The following PPP2R3B variants were observed in gnomAD, a reference collection of about 807,000 sequenced individuals.
The protein encoded by PPP2R3B is protein phosphatase 2 regulatory subunit B''beta.
Under a neutral mutation model 72.9 loss-of-function variants are expected in PPP2R3B, and 68 were observed. That is an observed-to-expected ratio of 0.93 (90% CI 0.77 to 1.14). PPP2R3B has a LOEUF of 1.14. PPP2R3B is among the 50% of genes most tolerant of loss of function. The pLI is 0.00. For missense variants in PPP2R3B, 1,018 were observed against 842.0 expected, an observed-to-expected ratio of 1.21 and a Z score of -2.59; for synonymous variants, 466 against 375.8, an observed-to-expected ratio of 1.24 and a Z score of -2.78.
intron 12 of PPP2R3B, chrX:338,039 C>T (rs1386032621): frequency 1.2e-5 from 2 of 160,148 alleles, no homozygotes; most frequent in East Asian, 1.8e-4. Flanking sequence ...AGTGTCTCCT[C>T]CTCCAAATTC....
intron 1 of PPP2R3B, among the ~76,000 whole-genome samples, chrX:384,188 CAAG>C (rs1343272301): frequency 2.0e-5 from 3 of 151,750 alleles, no homozygotes; most frequent in Non-Finnish European, 4.4e-5. Flanking sequence ...TTTTGAGATT[CAAG>C]AAGTAAATAA....
intron 1 of PPP2R3B, among the ~76,000 whole-genome samples, chrX:381,741 G>A (rs982086729): frequency 5.3e-5 from 8 of 151,714 alleles, no homozygotes; most frequent in African/African-American, 1.9e-4. Flanking sequence ...TGGGACTACA[G>A]GCACCCGCCA....
At position 353,883 on chromosome X, in the gene PPP2R3B, C is replaced by G. The variant is rs1385385497; in HGVS notation, c.511-6190G>C. Among the ~76,000 whole-genome samples, 6 of 120,320 alleles carry G rather than the reference C, an allele frequency of 5.0e-5. 1 individual carries two copies. In the East Asian group the frequency reaches 1.4e-3, roughly 28 times the overall value. 78.9% of individuals were successfully genotyped at this position (120,320 alleles called of 152,430 possible). A position where few individuals can be genotyped will look rare whatever the true frequency, so the allele number is the denominator to read the frequency against. ...GGGCTCACCCAAAGACCAGGGCTCA[C>G]CCAAAGACCGGGGGCTCACCCAAAG... On this transcript the variant is annotated intron_variant, in intron 2 of 12. Coordinates refer to ENST00000390665, the MANE Select transcript of PPP2R3B (RefSeq NM_013239.5).
rs143066029 is a variant in PPP2R3B at position 361,611 on chromosome X, G to A, written c.325-21C>T. The A allele has an allele frequency of 6.9e-3, 11,203 of 1,612,668 alleles. 512 individuals are homozygous for A. The highest frequency in any genetic ancestry group is 0.022 in the East Asian group (994 of 44,860). On this transcript the variant is annotated intron_variant, in intron 1 of 12. Transcript: ENST00000390665. ...TGAACCTGAAGAGTCGACAGACAGCGCTCAGTTAGAACCTGGGAGCATCGA... is the reference window on the plus strand; with the variant it reads ...TGAACCTGAAGAGTCGACAGACAGCACTCAGTTAGAACCTGGGAGCATCGA...
intron 10 of PPP2R3B, among the ~76,000 whole-genome samples, chrX:340,481 C>T (rs1485509171): frequency 6.9e-5 from 9 of 129,902 alleles, no homozygotes; most frequent in South Asian, 2.5e-4. Flanking sequence ...CACCCTGGGC[C>T]GTCCCCCCTC....
chrX:341,424 G>A (rs55901287), intron 8 of PPP2R3B, 28 bp from the exon 9 acceptor site: 19,959 of 1,605,088 alleles, frequency 0.012, 181 homozygotes, highest in Middle Eastern at 0.016. Flanking sequence ...ATGGAGAGAC[G>A]AAGATGCATG....
At chrX:338,573 G>T in intron 12 of PPP2R3B, 31 bp downstream of exon 12, 1 of 1,425,632 alleles carries the variant, frequency 7.0e-7, no homozygotes, top group Non-Finnish European at 9.4e-7. Flanking sequence ...CCACTGACCC[G>T]TCCCCCCACT....
chrX:351,880 C>T (rs1165232825), intron 2 of PPP2R3B, among the ~76,000 whole-genome samples: 30 of 152,074 alleles, frequency 2.0e-4, no homozygotes, highest in Admixed American at 2.0e-3. Context: ...TTAATTTCTA[C>T]AGTGAAGTCT....
chrX:340,947 C>T lies in PPP2R3B; in HGVS notation c.1176-7G>A. 6.2e-7 allele frequency: 1 copy of T among 1,608,748 alleles called. No homozygotes were observed. The highest frequency in any genetic ancestry group is 8.5e-7 in the Non-Finnish European group (1 of 1,177,984). On this transcript the variant is annotated splice_region_variant and splice_polypyrimidine_tract_variant and intron_variant, in intron 9 of 12. Transcript: ENST00000390665. ...GCGGAACCAGTACTCGATGCTGCGG[C>T]ACGGCGAGCTCTGTCAGCCCCTGCC...
chrX:338,443 C>T, intron 12 of PPP2R3B, 161 bp downstream of exon 12: 1 of 708,112 alleles, frequency 1.4e-6, no homozygotes, highest in Non-Finnish European at 2.4e-6. Context: ...CTCACCGGCC[C>T]CGTGTCAGGT....
At chrX:350,937 C>T (rs763881036) in intron 2 of PPP2R3B, among the ~76,000 whole-genome samples, 4 of 152,194 alleles carry the variant, frequency 2.6e-5, no homozygotes, top group South Asian at 4.1e-4. Context: ...CGAGAGGAGC[C>T]GGACGCCAGA....
intron 2 of PPP2R3B, among the ~76,000 whole-genome samples, chrX:358,883 G>C (rs2071487931): frequency 6.7e-6 from 1 of 149,116 alleles, no homozygotes; most frequent in African/African-American, 2.5e-5. Context: ...GTGGGGAGGG[G>C]CGCTGTGGCG....
intron 12 of PPP2R3B, 59 bp downstream of exon 12, chrX:338,545 C>CCCACTCACCCGTCCT (rs2070955128): frequency 8.9e-7 from 1 of 1,126,716 alleles, no homozygotes; most frequent in East Asian, 3.2e-5. Flanking sequence ...CACCCGTCCT[C>CCCACTCACCCGTCCT]CCCACTCACC....
intron 2 of PPP2R3B, among the ~76,000 whole-genome samples, chrX:354,414 G>A (rs1481967323): frequency 6.6e-6 from 1 of 152,284 alleles, no homozygotes; most frequent in Non-Finnish European, 1.5e-5. Flanking sequence ...CCAAGGACCG[G>A]GGCTGCCTTC....
intron 1 of PPP2R3B, among the ~76,000 whole-genome samples, chrX:381,131 GT>G (rs2072115401): frequency 6.6e-6 from 1 of 152,082 alleles, no homozygotes; most frequent in Admixed American, 6.6e-5. Flanking sequence ...GTCTCGCTAT[GT>G]TGCCCAGGCT....
chrX:353,340 C>T (rs1182838429), intron 2 of PPP2R3B, among the ~76,000 whole-genome samples: 4 of 151,770 alleles, frequency 2.6e-5, no homozygotes, highest in African/African-American at 9.7e-5. Flanking sequence ...TGCCATTGCA[C>T]TCCAGCTTGG....
chrX:371,774 G>C (rs1236385104), intron 1 of PPP2R3B, among the ~76,000 whole-genome samples: 2 of 151,996 alleles, frequency 1.3e-5, no homozygotes, highest in South Asian at 2.1e-4. Flanking sequence ...ACTCATGCGC[G>C]GAGTGAAAGC....
In PPP2R3B at chrX:386,363, C is replaced by T; in HGVS notation, c.324+5G>A. ...CAGTTGTTAGCAGAAGGAAGAGTAA[C>T]TTACTACTCTCGTCCCTGCGGATCT... is the stretch of plus-strand genomic sequence containing the variant. On this transcript the variant is annotated splice_donor_5th_base_variant and intron_variant, in intron 1 of 12. Transcript: ENST00000390665. 1 of 1,313,078 alleles carries T rather than the reference C, an allele frequency of 7.6e-7. No homozygotes were observed. The highest frequency in any genetic ancestry group is 9.8e-7 in the Non-Finnish European group (1 of 1,023,776). The allele number at this position is 1,313,078 out of a possible 1,614,324, so 81.3% of individuals were successfully genotyped here.
At chrX:355,921 G>A (rs758222255) in intron 2 of PPP2R3B, among the ~76,000 whole-genome samples, 2 of 152,284 alleles carry the variant, frequency 1.3e-5, no homozygotes, top group African/African-American at 4.8e-5. Context: ...TAGTTTCATG[G>A]GTGGGTACAG....
Sources: allele counts gnomAD v4.1 joint callset (sites outside exome capture counted in the v4.1 genomes callset), GRCh38; gene constraint gnomAD v4.1.1; transcripts MANE v1.5; gene names NCBI Gene and HGNC (gene_info 2026-07-23, HGNC 2026-07-21).